Variants in FOXP1 observed in about 807,000 individuals in gnomAD.
FOXP1 encodes the protein forkhead box protein P1.
In FOXP1, 15 loss-of-function variants were observed where a neutral mutation model predicts 98.2. That is an observed-to-expected ratio of 0.15 (90% CI 0.10 to 0.24). The LOEUF (loss-of-function observed/expected upper bound fraction) is 0.24. FOXP1 is among the 10% of genes least tolerant of loss of function. The pLI is 1.00. For synonymous variants in FOXP1, 371 were observed against 314.5 expected, an observed-to-expected ratio of 1.18 and a Z score of -1.90; for missense variants, 633 against 848.5, an observed-to-expected ratio of 0.75 and a Z score of 3.15.
At chr3:71,068,431 C>T (rs910941572) in intron 7 of FOXP1, among the ~76,000 whole-genome samples, 3 of 152,118 alleles carry the variant, frequency 2.0e-5, no homozygotes, top group Non-Finnish European at 2.9e-5. Context: ...GGACATTATT[C>T]CATACACTGA....
At chr3:71,119,128 A>C (rs1157740741) in intron 6 of FOXP1, among the ~76,000 whole-genome samples, 2 of 152,260 alleles carry the variant, frequency 1.3e-5, no homozygotes, top group Non-Finnish European at 2.9e-5. Flanking sequence ...TTTAAGCTCA[A>C]ATTCAATGTT....
At chr3:71,005,639 T>A (rs781363388) in intron 12 of FOXP1, among the ~76,000 whole-genome samples, 5 of 152,120 alleles carry the variant, frequency 3.3e-5, no homozygotes, top group Non-Finnish European at 7.4e-5. Flanking sequence ...TTGATAGGAT[T>A]GAGTTTAAGT....
chr3:71,312,408 G>C (rs533769509), intron 4 of FOXP1, among the ~76,000 whole-genome samples: 1 of 152,200 alleles, frequency 6.6e-6, no homozygotes, highest in Non-Finnish European at 1.5e-5. Context: ...TGTTCACTAC[G>C]AAGAATTCAG....
intron 4 of FOXP1, among the ~76,000 whole-genome samples, chr3:71,343,075 G>C (rs1442688541): frequency 6.6e-6 from 1 of 152,192 alleles, no homozygotes; most frequent in Non-Finnish European, 1.5e-5. Flanking sequence ...TATAAAAGTA[G>C]CTGTCACACA....
At chr3:71,102,570 G>A (rs2057060158) in intron 7 of FOXP1, among the ~76,000 whole-genome samples, 1 of 152,192 alleles carries the variant, frequency 6.6e-6, no homozygotes, top group Admixed American at 6.5e-5. Flanking sequence ...TTGCAGAGCT[G>A]TCTGCAGGCT....
At chr3:71,382,936 T>G (rs1030629810) in intron 3 of FOXP1, among the ~76,000 whole-genome samples, 11 of 152,252 alleles carry the variant, frequency 7.2e-5, no homozygotes, top group African/African-American at 2.7e-4. Flanking sequence ...GCCACTGTTC[T>G]GATGAGAAAT....
rs758584732 is a variant in FOXP1 at position 70,955,815 on chromosome 3, A to G, written c.*3432T>C. ...ATAGGAATGTATCAAAAAACAGATTAACACACACGCACGCGCGCACACACA... is the reference window on the plus strand; with the variant it reads ...ATAGGAATGTATCAAAAAACAGATTGACACACACGCACGCGCGCACACACA... On this transcript the variant is annotated 3_prime_UTR_variant, in exon 21 of 21. Transcript: ENST00000649528. The G allele has an allele frequency of 4.4e-6, 1 of 226,518 alleles. No homozygotes were observed. The highest frequency in any genetic ancestry group is 8.5e-6 in the Non-Finnish European group (1 of 117,604). 14.0% of individuals were successfully genotyped at this position (226,518 alleles called of 1,614,324 possible).
intron 6 of FOXP1, among the ~76,000 whole-genome samples, chr3:71,132,857 A>G (rs2059638856): frequency 6.6e-6 from 1 of 152,146 alleles, no homozygotes; most frequent in African/African-American, 2.4e-5. Flanking sequence ...ACTGGATCCT[A>G]AGAGTGTTTT....
chr3:71,248,928 A>C (rs977967398), intron 5 of FOXP1, among the ~76,000 whole-genome samples: 1 of 152,184 alleles, frequency 6.6e-6, no homozygotes, highest in Non-Finnish European at 1.5e-5. Context: ...CTGATCACAA[A>C]AAAGCCAGTG....
chr3:71,092,996 C>T (rs2056050325), intron 7 of FOXP1, among the ~76,000 whole-genome samples: 1 of 152,206 alleles, frequency 6.6e-6, no homozygotes, highest in South Asian at 2.1e-4. Flanking sequence ...CGTGGTGGCT[C>T]ACGCCTATAA....
intron 7 of FOXP1, among the ~76,000 whole-genome samples, chr3:71,111,666 T>A (rs1435490318): frequency 2.0e-5 from 3 of 152,230 alleles, no homozygotes; most frequent in African/African-American, 7.2e-5. Context: ...CCCAAAGTGC[T>A]GGGATTACAG....
chr3:71,372,013 C>T (rs577672550), intron 3 of FOXP1, among the ~76,000 whole-genome samples: 1 of 151,092 alleles, frequency 6.6e-6, no homozygotes, highest in South Asian at 2.1e-4. Flanking sequence ...TCTTTTCTTT[C>T]TTTCTTTTTT....
intron 3 of FOXP1, among the ~76,000 whole-genome samples, chr3:71,455,048 T>C: frequency 6.6e-6 from 1 of 152,162 alleles, no homozygotes; most frequent in Admixed American, 6.5e-5. Context: ...TGCCCTAAAG[T>C]GAATGAGGCG....
rs143987876 is a variant in FOXP1, at chr3:71,222,709, G to C, written c.-11-24317C>G. On this transcript the variant is annotated intron_variant, in intron 5 of 20. Coordinates refer to ENST00000649528, the MANE Select transcript of FOXP1 (RefSeq NM_001349338.3). ...CTTGGTCTTTTTCAAATACTTCACT[G>C]TCTTCCCCAACCCATTCGCTGTTGG... Among the ~76,000 whole-genome samples the C allele has an allele frequency of 1.7e-3, 256 of 152,288 alleles. 1 individual carries two copies. The highest frequency in any genetic ancestry group is 6.0e-3 in the African/African-American group (248 of 41,548).
chr3:71,112,635 T>C lies in FOXP1; in HGVS notation c.183A>G (p.Ala61=). ...GAAGGAGCTGTCTTGCCACCTGAAG[T>C]GCCTGGAAGGAAAAACAAGAAAATC... ...LAHAQQQQQQ[A]LQVARQLLLQ... is the part of the protein sequence containing the mutation. The change falls in exon 7 of 21, where the codon GCA becomes GCG. Residue 61 remains alanine, a splice_region_variant and synonymous_variant. Transcript: ENST00000649528. 1 of 1,613,346 alleles carries C rather than the reference T, an allele frequency of 6.2e-7. No individual in the cohort carries two copies. The highest frequency in any genetic ancestry group is 1.1e-5 in the South Asian group (1 of 91,074).
chr3:71,027,137 C>T (rs1294038958), intron 11 of FOXP1, among the ~76,000 whole-genome samples: 1 of 152,114 alleles, frequency 6.6e-6, no homozygotes, highest in East Asian at 1.9e-4. Flanking sequence ...AAGTTATTAA[C>T]ACCATTAGGC....
In FOXP1 at chr3:70,956,107, C is replaced by T. The variant is rs957946548; in HGVS notation, c.*3140G>A. On this transcript the variant is annotated 3_prime_UTR_variant, in exon 21 of 21. Transcript: ENST00000649528. Reference sequence around the variant, plus strand: ...GTATCGTTAATATAAAGCAGTTGCACAAAAAGCAAAGGTGTTTTGACAAAC... The same window carrying T: ...GTATCGTTAATATAAAGCAGTTGCATAAAAAGCAAAGGTGTTTTGACAAAC... 2 of 232,754 alleles carry T rather than the reference C, an allele frequency of 8.6e-6. No homozygotes were observed. Among genetic ancestry groups the T allele is most frequent in the African/African-American group, 2.2e-5 (1 of 45,258 alleles). The allele number at this position is 232,754 out of a possible 1,614,324, so 14.4% of individuals were successfully genotyped here.
intron 7 of FOXP1, among the ~76,000 whole-genome samples, chr3:71,081,195 G>C (rs1340443995): frequency 6.6e-6 from 1 of 152,190 alleles, no homozygotes; most frequent in Non-Finnish European, 1.5e-5. Context: ...CAGATCCCGT[G>C]GCAATCTGAA....
At chr3:71,241,605 G>A (rs2067288989) in intron 5 of FOXP1, among the ~76,000 whole-genome samples, 1 of 152,156 alleles carries the variant, frequency 6.6e-6, no homozygotes, top group African/African-American at 2.4e-5. Flanking sequence ...ATTACAAAGT[G>A]GGCTTATAAG....
Sources: allele counts gnomAD v4.1 joint callset (sites outside exome capture counted in the v4.1 genomes callset), GRCh38; gene constraint gnomAD v4.1.1; transcripts MANE v1.5; gene names NCBI Gene and HGNC (gene_info 2026-07-23, HGNC 2026-07-21).